FOXN3: variants seen among roughly 807,000 people sequenced by gnomAD.
FOXN3 encodes the protein forkhead box protein N3.
FOXN3 carries 7 observed loss-of-function variants against 38.4 expected under a neutral mutation model. The ratio of observed to expected loss-of-function variants is 0.18; its 90% confidence interval spans 0.10 to 0.34. The LOEUF is 0.34. Among genes scored for constraint, FOXN3 ranks in the 10% least tolerant of loss-of-function variants. The pLI is 1.00. For missense variants in FOXN3, 456 were observed against 613.4 expected (o/e 0.74, Z 2.71); for synonymous variants, 230 against 242.2 (o/e 0.95, Z 0.47).
chr14:89,243,662 A>G (rs548730354), intron 4 of FOXN3, among the ~76,000 whole-genome samples: 1 of 152,350 alleles, frequency 6.6e-6, no homozygotes, highest in South Asian at 2.1e-4. Flanking sequence ...TCCTTCTGCT[A>G]CAGGTAAATA....
At chr14:89,498,210 C>CTTT (rs547081117) in intron 1 of FOXN3, among the ~76,000 whole-genome samples, 852 of 81,058 alleles carry the variant, frequency 0.011, 87 homozygotes, top group African/African-American at 0.035. Flanking sequence ...CTCTCTCTCT[C>CTTT]TTTTTTTTTT....
chr14:89,300,981 T>A (rs1034063254), intron 3 of FOXN3, among the ~76,000 whole-genome samples: 1 of 151,972 alleles, frequency 6.6e-6, no homozygotes, highest in Non-Finnish European at 1.5e-5. Flanking sequence ...GCTTTTTTTT[T>A]TAGTAGAGAC....
At chr14:89,404,252 G>A (rs1891325946) in intron 2 of FOXN3, among the ~76,000 whole-genome samples, 1 of 151,810 alleles carries the variant, frequency 6.6e-6, no homozygotes, top group Admixed American at 6.6e-5. Context: ...GCTCACGGCT[G>A]TAATCTCAGC....
intron 3 of FOXN3, among the ~76,000 whole-genome samples, chr14:89,305,948 A>G (rs1170762102): frequency 6.6e-6 from 1 of 152,232 alleles, no homozygotes; most frequent in Non-Finnish European, 1.5e-5. Flanking sequence ...CTTCTCTAAG[A>G]ATAAGGATGA....
intron 1 of FOXN3, among the ~76,000 whole-genome samples, chr14:89,565,385 G>A (rs118047536): frequency 0.017 from 2,577 of 152,134 alleles, 35 homozygotes; most frequent in Non-Finnish European, 0.026. Flanking sequence ...TTTTGTTATG[G>A]CAACCCAGAG....
chr14:89,598,138 C>T (rs1427345023), intron 1 of FOXN3, among the ~76,000 whole-genome samples: 4 of 152,110 alleles, frequency 2.6e-5, no homozygotes, highest in Admixed American at 6.5e-5. Context: ...AACACAACTT[C>T]GTTATCACTT....
chr14:89,198,458 A>G (rs1888153893), intron 4 of FOXN3, among the ~76,000 whole-genome samples: 1 of 152,216 alleles, frequency 6.6e-6, no homozygotes, highest in South Asian at 2.1e-4. Flanking sequence ...CAAAGGGATA[A>G]GAACAGATGA....
chr14:89,265,533 AGAGACGTCACTTG>A (rs1448190005), intron 4 of FOXN3, among the ~76,000 whole-genome samples: 1 of 152,184 alleles, frequency 6.6e-6, no homozygotes, highest in African/African-American at 2.4e-5. Flanking sequence ...AACTAGTGGT[AGAGACGTCACTTG>A]GAAGCACACA....
At chr14:89,454,657 A>G (rs979052442) in intron 1 of FOXN3, among the ~76,000 whole-genome samples, 11 of 152,236 alleles carry the variant, frequency 7.2e-5, no homozygotes, top group African/African-American at 2.4e-4. Context: ...GTCCATTCAC[A>G]TAATGGAAAC....
At chr14:89,222,581 C>A (rs947043934) in intron 4 of FOXN3, among the ~76,000 whole-genome samples, 7 of 152,078 alleles carry the variant, frequency 4.6e-5, no homozygotes, top group African/African-American at 1.7e-4. Flanking sequence ...TAAAAAGGAG[C>A]TCAACCCAGG....
intron 1 of FOXN3, among the ~76,000 whole-genome samples, chr14:89,438,436 A>G (rs537556023): frequency 9.8e-5 from 15 of 152,372 alleles, no homozygotes; most frequent in South Asian, 2.1e-4. Context: ...GAAGCTTACA[A>G]ATTTTTTTCT....
chr14:89,334,650 T>C (rs1245151156), intron 3 of FOXN3, among the ~76,000 whole-genome samples: 1 of 121,630 alleles, frequency 8.2e-6, no homozygotes, highest in Non-Finnish European at 2.0e-5. Context: ...CCTAGAGACC[T>C]AATTTACAGC....
At chr14:89,461,738 G>A (rs1486582733) in intron 1 of FOXN3, among the ~76,000 whole-genome samples, 1 of 152,154 alleles carries the variant, frequency 6.6e-6, no homozygotes, top group African/African-American at 2.4e-5. Context: ...GTGTAGTCAG[G>A]AGGAGCATCC....
chr14:89,554,479 C>T (rs531113753), intron 1 of FOXN3, among the ~76,000 whole-genome samples: 3 of 152,162 alleles, frequency 2.0e-5, no homozygotes, highest in East Asian at 3.9e-4. Context: ...AGAGTTGGGG[C>T]TTTGGTTATA....
intron 1 of FOXN3, among the ~76,000 whole-genome samples, chr14:89,478,943 AAAAAAAATT>A (rs1893269675): frequency 6.6e-6 from 1 of 150,978 alleles, no homozygotes; most frequent in South Asian, 2.1e-4. Context: ...AAAAAAAAAA[AAAAAAAATT>A]ACCACAACAC....
At chr14:89,276,374 A>G (rs1463698533) in intron 4 of FOXN3, among the ~76,000 whole-genome samples, 2 of 152,256 alleles carry the variant, frequency 1.3e-5, no homozygotes, top group African/African-American at 2.4e-5. Context: ...TCCTAGGGAC[A>G]CAGAGTTGAT....
chr14:89,401,597 T>G, intron 2 of FOXN3: 1 of 456,034 alleles, frequency 2.2e-6, no homozygotes, highest in Non-Finnish European at 4.4e-6. Flanking sequence ...TGTACCTTGA[T>G]TCTTGGAGAT....
rs1324872111 is a variant in FOXN3, at chr14:89,162,341, A to C, written c.*73T>G. ...AAGAAAAAAAATTGCTGATATTGCC[A>C]CAAATCATTAGAAATCTCCTGACAT... On this transcript the variant is annotated 3_prime_UTR_variant, in exon 6 of 6. Coordinates refer to ENST00000557258, the MANE Select transcript of FOXN3 (RefSeq NM_005197.4). This position sits in a 1 kb window ranked among gnomAD's most constrained non-coding sequence, Gnocchi z 7.2. 7.7e-7 allele frequency: 1 copy of C among 1,295,516 alleles called. No individual in the cohort carries two copies. The highest frequency in any genetic ancestry group is 2.5e-5 in the East Asian group (1 of 39,384). The allele number at this position is 1,295,516 out of a possible 1,614,324, so 80.3% of individuals were successfully genotyped here. A position where few individuals can be genotyped will look rare whatever the true frequency, so the allele number is the denominator to read the frequency against.
rs189036040 is a variant in FOXN3, at chr14:89,304,353, A to T, written c.681-23339T>A. On this transcript the variant is annotated intron_variant, in intron 3 of 5. Transcript: ENST00000557258. ...TTAGCAGGGAAAATCCAAAATGTCC[A>T]GTTTGAAGGGGAAAGTGGCTGTGAG... 8.7e-4 allele frequency among the ~76,000 whole-genome samples: 132 copies of T among 152,300 alleles called. 2 individuals are homozygous for T. The Middle Eastern group carries it at 0.02, about 24-fold the overall frequency.
Sources: gnomAD v4.1 joint callset for allele counts (sites outside exome capture counted in the v4.1 genomes callset) on GRCh38, gnomAD v4.1.1 for gene constraint, Gnocchi (gnomAD v3.1) non-coding constraint, MANE v1.5 for transcripts, NCBI Gene and HGNC (gene_info 2026-07-23, HGNC 2026-07-21) for gene names.